OS9: variants seen among roughly 807,000 people sequenced by gnomAD.
OS9 encodes the protein OS9 endoplasmic reticulum lectin.
Under a neutral mutation model 84.7 loss-of-function variants are expected in OS9, and 58 were observed. The observed-to-expected ratio is 0.68, with a 90% CI of 0.55 to 0.85. The LOEUF is 0.85. Ranked by LOEUF, OS9 falls within the 40% of genes least tolerant of loss-of-function variation. The probability of loss-of-function intolerance (pLI) is 0.00; values close to 1 mark genes in which losing one functional copy is unlikely to be tolerated. For synonymous variants in OS9, 278 were observed against 320.8 expected, an observed-to-expected ratio of 0.87 and a Z score of 1.43; for missense variants, 760 against 850.9, an observed-to-expected ratio of 0.89 and a Z score of 1.33.
At chr12:57,707,344 G>A (rs1260788650) in intron 5 of OS9, among the ~76,000 whole-genome samples, 1 of 152,188 alleles carries the variant, frequency 6.6e-6, no homozygotes, top group Non-Finnish European at 1.5e-5. Context: ...TCTCACAGTT[G>A]TGCTGGCCAT....
rs189426425 is a variant in OS9 at position 57,694,143 on chromosome 12, A to C, written c.-19A>C. On this transcript the variant is annotated 5_prime_UTR_variant, in exon 1 of 15. Coordinates refer to ENST00000315970, the MANE Select transcript of OS9 (RefSeq NM_006812.4). ...CTTAGGGCGGAAACAGATTCTCTGC[A>C]TAAGAAGGGGAACGAAAGATGGCGG... 1.9e-6 allele frequency: 3 copies of C among 1,614,066 alleles called. No homozygotes were observed. The highest frequency in any genetic ancestry group is 1.7e-6 in the Non-Finnish European group (2 of 1,179,914).
Position 57,719,056 on chromosome 12 carries a change from GCT to G in OS9, c.1478_1479del (p.Leu493HisfsTer45). ...GTCAGAGCGGGATCGGGCAATGCTG[GCT>G]CTCACATCCACTCTCAACAAACTCA... is the stretch of plus-strand genomic sequence containing the variant. ...KESERDRAML[A>X]LTSTLNKLIK... is the part of the protein sequence containing the mutation. On this transcript the variant is annotated frameshift_variant, in exon 12 of 15. Coordinates refer to ENST00000315970, the MANE Select transcript of OS9 (RefSeq NM_006812.4). LOFTEE classifies it high-confidence loss of function. 6.2e-7 allele frequency: 1 copy of G among 1,614,056 alleles called. No individual in the cohort carries two copies.
chr12:57,715,721 G>T (rs776100226), intron 5 of OS9, 39 bp from the exon 6 acceptor site: 2 of 1,432,850 alleles, frequency 1.4e-6, no homozygotes, highest in Non-Finnish European at 1.9e-6. Flanking sequence ...GCAAATTATT[G>T]TTGGTGATTA....
chr12:57,711,172 TCC>T (rs1954319105), intron 5 of OS9, among the ~76,000 whole-genome samples: 1 of 151,904 alleles, frequency 6.6e-6, no homozygotes, highest in Non-Finnish European at 1.5e-5. Flanking sequence ...TTTGCATGTA[TCC>T]TTCCAGCCTT....
intron 8 of OS9, 69 bp from the exon 9 acceptor site, chr12:57,716,624 C>G: frequency 6.4e-7 from 1 of 1,553,218 alleles, no homozygotes; most frequent in Non-Finnish European, 8.9e-7. Context: ...TCCCCAGAAC[C>G]TTTGCCTTCA....
chr12:57,716,593 C>T, intron 8 of OS9, 81 bp downstream of exon 8: 1 of 1,499,178 alleles, frequency 6.7e-7, no homozygotes, highest in South Asian at 1.1e-5. Context: ...TGACCTACAT[C>T]TACCTAGGGA....
intron 14 of OS9, 51 bp from the exon 15 acceptor site, chr12:57,720,733 C>A (rs1272501406): frequency 1.3e-6 from 2 of 1,561,456 alleles, no homozygotes; most frequent in Admixed American, 1.9e-5. Flanking sequence ...CCAGGACTTC[C>A]CTGGGCTCAA....
At chr12:57,703,607 A>G (rs947923251) in intron 5 of OS9, among the ~76,000 whole-genome samples, 2 of 152,196 alleles carry the variant, frequency 1.3e-5, no homozygotes, top group African/African-American at 4.8e-5. Context: ...TTCCATTGGT[A>G]AATATGTCTG....
intron 5 of OS9, among the ~76,000 whole-genome samples, chr12:57,712,906 C>T (rs1954373753): frequency 6.6e-6 from 1 of 152,062 alleles, no homozygotes; most frequent in South Asian, 2.1e-4. Context: ...AGCCATCTGC[C>T]TCTGCTGGTA....
chr12:57,720,097 A>C lies in OS9; in HGVS notation c.1601-2A>C. ...GTTTCCCTGTGTGTCTCCCCCTCTAAGAGGAGGATCCTGAGCACAGAGTCC... is the reference window on the plus strand; with the variant it reads ...GTTTCCCTGTGTGTCTCCCCCTCTACGAGGAGGATCCTGAGCACAGAGTCC... On this transcript the variant is annotated splice_acceptor_variant, in intron 12 of 14. Transcript: ENST00000315970. LOFTEE classifies it high-confidence loss of function. The C allele has an allele frequency of 6.2e-7, 1 of 1,613,286 alleles. No individual in the cohort carries two copies. Among genetic ancestry groups the C allele is most frequent in the Non-Finnish European group, 8.5e-7 (1 of 1,179,790 alleles).
chr12:57,719,240 G>T (rs1172063888), intron 12 of OS9, 58 bp downstream of exon 12: 8 of 1,490,086 alleles, frequency 5.4e-6, no homozygotes, highest in Non-Finnish European at 7.4e-6. Context: ...CCCTCAGCTG[G>T]TTCTGTTCCC....
intron 5 of OS9, among the ~76,000 whole-genome samples, chr12:57,705,284 A>G (rs1954133606): frequency 6.6e-6 from 1 of 152,194 alleles, no homozygotes; most frequent in Non-Finnish European, 1.5e-5. Context: ...ACTGATTTGA[A>G]GAGAATTGAT....
chr12:57,706,243 C>T (rs745883809), intron 5 of OS9, among the ~76,000 whole-genome samples: 19 of 151,886 alleles, frequency 1.3e-4, no homozygotes, highest in Non-Finnish European at 2.4e-4. Context: ...CATGCTTATT[C>T]TGTGTCTATT....
In OS9 at chr12:57,716,432, G is replaced by A. The variant is rs141986192; in HGVS notation, c.913G>A (p.Asp305Asn). 753 of 1,562,006 alleles carry A rather than the reference G, an allele frequency of 4.8e-4. 15 individuals carry two copies. In the East Asian group the frequency reaches 0.018, roughly 36 times the overall value. ...KMAGASPTKD[D>N]SKDSDFWKML... ...CCTAGGTGCGAGCCCGACCAAGGAT[G>A]ACAGTAAGGACTCAGATTTCTGGAA... is the stretch of plus-strand genomic sequence containing the variant. The change falls in exon 8 of 15, where the codon GAC becomes AAC. Residue 305 changes from aspartate (D) to asparagine (N), a missense_variant. Physicochemically the swap from Asp to Asn is conservative, Grantham distance 23. Coordinates refer to ENST00000315970, the MANE Select transcript of OS9 (RefSeq NM_006812.4).
chr12:57,696,118 T>C, intron 4 of OS9, 80 bp downstream of exon 4: 1 of 1,279,264 alleles, frequency 7.8e-7, no homozygotes, highest in Non-Finnish European at 1.1e-6. Context: ...GGGTCAAGAT[T>C]AGCTGATCTG....
chr12:57,720,503 C>T lies in OS9; in HGVS notation c.1863C>T (p.Ile621=), dbSNP rs766520124. ...TDEDTRNLKE[I]FFNILVPGAE... is the part of the protein sequence containing the mutation. ...AGGACACGAGAAACCTCAAGGAGATCTTCTTCAATATCTTGGTAAGAGGCT... is the reference window on the plus strand; with the variant it reads ...AGGACACGAGAAACCTCAAGGAGATTTTCTTCAATATCTTGGTAAGAGGCT... Residue 621 remains isoleucine, a synonymous_variant, in exon 14 of 15, where the codon ATC becomes ATT. Transcript: ENST00000315970. 5.6e-6 allele frequency: 9 copies of T among 1,609,508 alleles called. No homozygotes were observed. The highest frequency in any genetic ancestry group is 1.1e-5 in the South Asian group (1 of 90,882).
At chr12:57,719,321 T>A in intron 12 of OS9, 139 bp downstream of exon 12, 1 of 675,410 alleles carries the variant, frequency 1.5e-6, no homozygotes, top group Non-Finnish European at 2.5e-6. Context: ...CTGTCCTCAC[T>A]TGCGCCTGCT....
chr12:57,694,871 G>A lies in OS9; in HGVS notation c.284G>A (p.Gly95Glu). 6.2e-7 allele frequency: 1 copy of A among 1,614,136 alleles called. No individual in the cohort carries two copies. Among genetic ancestry groups the A allele is most frequent in the East Asian group, 2.2e-5 (1 of 44,880 alleles). The change falls in exon 2 of 15, where the codon GGG becomes GAG. Residue 95 changes from glycine to glutamate, a missense_variant. By Grantham distance (98) the Gly-to-Glu change is moderately conservative (BLOSUM62 -2). Transcript: ENST00000315970. ...EREEETPAYQGPGIPELLSPM... is the reference protein window; with the variant it reads ...EREEETPAYQEPGIPELLSPM... ...GAGGAGGAAACACCTGCTTACCAAG[G>A]GCCTGGGATCCCTGAGTTGTTGAGC...
rs772987626 is a variant in OS9, at chr12:57,720,091, C to T, written c.1601-8C>T. The T allele has an allele frequency of 1.2e-6, 2 of 1,612,934 alleles. No individual in the cohort carries two copies. The highest frequency in any genetic ancestry group is 1.7e-6 in the Non-Finnish European group (2 of 1,179,670). ...CTTTGTGTTTCCCTGTGTGTCTCCC[C>T]CTCTAAGAGGAGGATCCTGAGCACA... is the stretch of plus-strand genomic sequence containing the variant. On this transcript the variant is annotated splice_polypyrimidine_tract_variant and splice_region_variant and intron_variant, in intron 12 of 14. Transcript: ENST00000315970.
Sources: gnomAD v4.1 joint callset for allele counts (sites outside exome capture counted in the v4.1 genomes callset) on GRCh38, gnomAD v4.1.1 for gene constraint, MANE v1.5 for transcripts, NCBI Gene and HGNC (gene_info 2026-07-23, HGNC 2026-07-21) for gene names.